Variants in IFT25 observed in about 807,000 individuals in gnomAD.
IFT25 encodes intraflagellar transport protein 25 homolog.
the IFT25 span, among the ~76,000 whole-genome samples, chr1:53,923,103 T>G: frequency 6.6e-6 from 1 of 152,172 alleles, no homozygotes; most frequent in Non-Finnish European, 1.5e-5. Context: ...AGGACCTCAC[T>G]GGCCTCCCCA....
the IFT25 span, among the ~76,000 whole-genome samples, chr1:53,914,235 T>C: frequency 6.6e-6 from 1 of 152,242 alleles, no homozygotes; most frequent in African/African-American, 2.4e-5. Flanking sequence ...TCTCTAGCTT[T>C]GAGAGAACAT....
At chr1:53,913,878 C>T in the IFT25 span, among the ~76,000 whole-genome samples, 14 of 152,280 alleles carry the variant, frequency 9.2e-5, no homozygotes, top group African/African-American at 2.2e-4. Flanking sequence ...CTACCTACAA[C>T]GCAGGAAGAA....
chr1:53,933,828 T>G, the IFT25 span, among the ~76,000 whole-genome samples: 2 of 152,158 alleles, frequency 1.3e-5, no homozygotes, highest in African/African-American at 2.4e-5. Flanking sequence ...TGAATAATTT[T>G]TTTAAAATTC....
chr1:53,922,764 C>T, the IFT25 span, among the ~76,000 whole-genome samples: 1 of 152,022 alleles, frequency 6.6e-6, no homozygotes, highest in Non-Finnish European at 1.5e-5. Context: ...TAAAATTGTA[C>T]TTACGAAGCC....
At chr1:53,921,220 C>T in the IFT25 span, among the ~76,000 whole-genome samples, 1 of 152,092 alleles carries the variant, frequency 6.6e-6, no homozygotes, top group African/African-American at 2.4e-5. Flanking sequence ...TTTTACAGGG[C>T]CCACCTCAGG....
the IFT25 span, among the ~76,000 whole-genome samples, chr1:53,925,101 A>C: frequency 1.3e-5 from 2 of 152,116 alleles, no homozygotes; most frequent in Non-Finnish European, 2.9e-5. Flanking sequence ...CCTTTTTGAT[A>C]AATTTTTTAC....
At chr1:53,944,438 G>A in the IFT25 span, among the ~76,000 whole-genome samples, 2 of 151,954 alleles carry the variant, frequency 1.3e-5, no homozygotes, top group Non-Finnish European at 2.9e-5. Context: ...TGAGGCCAGC[G>A]GTTCAAGACC....
the IFT25 span, among the ~76,000 whole-genome samples, chr1:53,915,758 A>G: frequency 6.6e-6 from 1 of 152,224 alleles, no homozygotes; most frequent in Non-Finnish European, 1.5e-5. Flanking sequence ...CACTACAGGC[A>G]GAGGAAACAG....
chr1:53,919,128 C>T, the IFT25 span, among the ~76,000 whole-genome samples: 1 of 142,276 alleles, frequency 7.0e-6, no homozygotes, highest in Non-Finnish European at 1.5e-5. Context: ...CATGGGCCAC[C>T]GTGCTTGGCC....
chr1:53,932,555 A>C, the IFT25 span, among the ~76,000 whole-genome samples: 234 of 152,300 alleles, frequency 1.5e-3, no homozygotes, highest in Admixed American at 3.2e-3. Flanking sequence ...AGCACATTTC[A>C]GTGAATGTTC....
the IFT25 span, chr1:53,929,696 A>ACT: frequency 0.013 from 2,332 of 176,404 alleles, 67 homozygotes; most frequent in African/African-American, 0.051. Context: ...ATGTCATGGA[A>ACT]TAGTGTTCTA....
chr1:53,920,107 A>G, the IFT25 span, among the ~76,000 whole-genome samples: 1 of 152,132 alleles, frequency 6.6e-6, no homozygotes, highest in East Asian at 1.9e-4. Flanking sequence ...ACTAATGATG[A>G]TTCTCTAATT....
chr1:53,940,778 T>C, the IFT25 span, among the ~76,000 whole-genome samples: 6 of 152,096 alleles, frequency 3.9e-5, no homozygotes, highest in Non-Finnish European at 5.9e-5. Context: ...GGAGCAATCA[T>C]GGCTCACTGC....
At chr1:53,924,359 T>C in the IFT25 span, among the ~76,000 whole-genome samples, 381 of 152,342 alleles carry the variant, frequency 2.5e-3, 1 homozygote, top group African/African-American at 8.9e-3. Context: ...CAACTAGAGC[T>C]GAGTTTCTCA....
chr1:53,939,526 A>G, the IFT25 span, among the ~76,000 whole-genome samples: 1 of 152,202 alleles, frequency 6.6e-6, no homozygotes, highest in Non-Finnish European at 1.5e-5. Context: ...AATTGGAAGG[A>G]TATCAAAAAG....
chr1:53,923,835 T>G, the IFT25 span: 8 of 901,146 alleles, frequency 8.9e-6, no homozygotes, highest in Non-Finnish European at 1.5e-5. Context: ...ACTATGACTA[T>G]GGAGATAGGT....
At chr1:53,927,142 T>G in the IFT25 span, among the ~76,000 whole-genome samples, 1 of 152,252 alleles carries the variant, frequency 6.6e-6, no homozygotes, top group African/African-American at 2.4e-5. Context: ...TATTCAGGGT[T>G]TGAGGTCTTC....
the IFT25 span, among the ~76,000 whole-genome samples, chr1:53,933,575 T>G: frequency 6.6e-6 from 1 of 152,216 alleles, no homozygotes; most frequent in Non-Finnish European, 1.5e-5. Flanking sequence ...AGGATGCATC[T>G]TCTTTCATCC....
chr1:53,921,697 T>C, the IFT25 span: 4 of 1,613,552 alleles, frequency 2.5e-6, no homozygotes, highest in East Asian at 4.5e-5. Flanking sequence ...AGAAACGCTA[T>C]GCACAGATGC....
Sources: gnomAD v4.1 joint callset for allele counts (sites outside exome capture counted in the v4.1 genomes callset) on GRCh38, gnomAD v4.1.1 for gene constraint, MANE v1.5 for transcripts, NCBI Gene and HGNC (gene_info 2026-07-23, HGNC 2026-07-21) for gene names.